Variants in MATN2 observed in about 807,000 individuals in gnomAD.
The protein encoded by MATN2 is matrilin-2.
MATN2 carries 69 observed loss-of-function variants against 103.2 expected under a neutral mutation model. The observed-to-expected ratio is 0.67, with a 90% confidence interval of 0.55 to 0.82. The LOEUF (loss-of-function observed/expected upper bound fraction) is 0.82. MATN2 is among the 40% of genes least tolerant of loss of function. MATN2 has a pLI of 0.00. For missense variants in MATN2, 1,023 were observed against 1,211.5 expected, an observed-to-expected ratio of 0.84 and a Z score of 2.31; for synonymous variants, 429 against 450.2, an observed-to-expected ratio of 0.95 and a Z score of 0.60.
At chr8:97,869,733 AT>A (rs1304466371) in intron 1 of MATN2, among the ~76,000 whole-genome samples, 1 of 152,116 alleles carries the variant, frequency 6.6e-6, no homozygotes, top group Non-Finnish European at 1.5e-5. Flanking sequence ...TGTCATCTGG[AT>A]TTTGTTCTTG....
In MATN2 at chr8:98,035,013, G is replaced by A. The variant is rs142776959; in HGVS notation, c.2816-644G>A. Among the ~76,000 whole-genome samples the A allele has an allele frequency of 8.6e-3, 1,305 of 152,072 alleles. 21 individuals are homozygous for A. The highest frequency in any genetic ancestry group is 0.03 in the African/African-American group (1,240 of 41,480). ...GAGGTGGCCTTGCTTGAGCTTAGGA[G>A]TTCGAGATCAGCCTGGGCAACATAC... is the stretch of plus-strand genomic sequence containing the variant. On this transcript the variant is annotated intron_variant, in intron 18 of 18. Transcript: ENST00000254898.
At chr8:98,012,306 C>T (rs901393725) in intron 10 of MATN2, among the ~76,000 whole-genome samples, 25 of 152,180 alleles carry the variant, frequency 1.6e-4, no homozygotes, top group Admixed American at 7.2e-4. Flanking sequence ...GCAGAGACAG[C>T]GTCCATTCCT....
chr8:98,033,531 G>A, intron 17 of MATN2, 30 bp from the exon 18 acceptor site: 1 of 1,242,852 alleles, frequency 8.0e-7, no homozygotes, highest in East Asian at 2.4e-5. Flanking sequence ...GTGGATTCTA[G>A]AGGTGAACAC....
Position 98,035,719 on chromosome 8 carries a change from GA to G in MATN2, c.*10del. 1 of 1,591,446 alleles carries G rather than the reference GA, an allele frequency of 6.3e-7. No homozygotes were observed. The highest frequency in any genetic ancestry group is 8.6e-7 in the Non-Finnish European group (1 of 1,164,372). ...TCGCCTGAGATACAGATGAAGATTA[GA>G]AATCGCGACACATTTGTAGTCATTG... On this transcript the variant is annotated 3_prime_UTR_variant, in exon 19 of 19. Coordinates refer to ENST00000254898, the MANE Select transcript of MATN2 (RefSeq NM_002380.5).
intron 7 of MATN2, among the ~76,000 whole-genome samples, chr8:98,002,379 A>G (rs1407676377): frequency 6.6e-6 from 1 of 152,224 alleles, no homozygotes; most frequent in Non-Finnish European, 1.5e-5. Flanking sequence ...ATCCTTCTTC[A>G]TGAAACTGCC....
chr8:98,025,903 T>G (rs1790183457), intron 13 of MATN2, among the ~76,000 whole-genome samples: 1 of 151,842 alleles, frequency 6.6e-6, no homozygotes, highest in African/African-American at 2.4e-5. Context: ...TGAGACCAGG[T>G]ACAGTGGCTC....
intron 6 of MATN2, among the ~76,000 whole-genome samples, chr8:97,988,189 T>TATATATATATATATACACAC (rs71570279): frequency 3.3e-4 from 18 of 54,950 alleles, no homozygotes; most frequent in African/African-American, 1.2e-3. Context: ...TATATATATA[T>TATATATATATATATACACAC]ACACACACAC....
chr8:97,885,921 A>G (rs751366208), intron 1 of MATN2, among the ~76,000 whole-genome samples: 16 of 152,242 alleles, frequency 1.1e-4, no homozygotes, highest in Admixed American at 9.8e-4. Context: ...ACCAGGCCGC[A>G]CAGCAGGAGG....
At chr8:98,008,381 A>C (rs1813044447) in intron 10 of MATN2, among the ~76,000 whole-genome samples, 1 of 152,166 alleles carries the variant, frequency 6.6e-6, no homozygotes, top group Non-Finnish European at 1.5e-5. Context: ...AAATGAAAGA[A>C]AAGGACCACC....
At chr8:97,876,757 T>TC (rs927143273) in intron 1 of MATN2, among the ~76,000 whole-genome samples, 1 of 152,026 alleles carries the variant, frequency 6.6e-6, no homozygotes, top group African/African-American at 2.4e-5. Flanking sequence ...GCACCCAGAA[T>TC]CCCCGCTCAG....
rs758001116 is a variant in MATN2 at position 97,931,405 on chromosome 8, G to T, written c.595G>T (p.Val199Leu). 2.1e-5 allele frequency: 34 copies of T among 1,613,742 alleles called. No homozygotes were observed. Among genetic ancestry groups the T allele is most frequent in the Non-Finnish European group, 2.7e-5 (32 of 1,179,880 alleles). Residue 199 changes from valine (V) to leucine (L), a missense_variant, in exon 3 of 19, where the codon GTA (valine) becomes TTA (leucine). Physicochemically the swap from Val to Leu is conservative, Grantham distance 32. Coordinates refer to ENST00000254898, the MANE Select transcript of MATN2 (RefSeq NM_002380.5). The surrounding 1 kb of genome is among the most constrained non-coding windows in gnomAD (Gnocchi z 4.1). ...AATCTTTGCCATTGGTGTGGGCCAG[G>T]TAGACTTCAACACCTTGAAGTCCAT... ...ILIFAIGVGQ[V>L]DFNTLKSIGS...
chr8:97,954,011 G>C (rs1365391628), intron 4 of MATN2, among the ~76,000 whole-genome samples: 5 of 152,144 alleles, frequency 3.3e-5, no homozygotes, highest in African/African-American at 1.2e-4. Flanking sequence ...CTGTGAGACA[G>C]ATGCTTTGCC....
chr8:97,951,575 G>T (rs1586082510), intron 4 of MATN2, among the ~76,000 whole-genome samples: 1 of 152,092 alleles, frequency 6.6e-6, no homozygotes, highest in Non-Finnish European at 1.5e-5. Context: ...AGCCCTCCAG[G>T]GGATGTCGAT....
At chr8:98,034,386 G>C in intron 18 of MATN2, 1 of 335,736 alleles carries the variant, frequency 3.0e-6, no homozygotes, top group Non-Finnish European at 6.0e-6. Context: ...TATCTCAAGT[G>C]CATCAACTAG....
At chr8:97,957,271 A>G (rs1811174160) in intron 4 of MATN2, among the ~76,000 whole-genome samples, 1 of 152,236 alleles carries the variant, frequency 6.6e-6, no homozygotes, top group Non-Finnish European at 1.5e-5. Flanking sequence ...CTTATCCTTC[A>G]GTGAAATCCT....
chr8:98,013,954 T>C (rs1813271265), intron 10 of MATN2, among the ~76,000 whole-genome samples: 1 of 151,802 alleles, frequency 6.6e-6, no homozygotes, highest in Admixed American at 6.6e-5. Context: ...ACAAAAAATA[T>C]GAAAATTAGC....
chr8:97,953,218 TTA>T (rs1370247563), intron 4 of MATN2, among the ~76,000 whole-genome samples: 2 of 152,218 alleles, frequency 1.3e-5, no homozygotes, highest in African/African-American at 4.8e-5. Flanking sequence ...TTTGCAGCTT[TTA>T]TAGGTACCCA....
intron 5 of MATN2, among the ~76,000 whole-genome samples, chr8:97,967,761 T>C (rs931051243): frequency 6.6e-6 from 1 of 152,222 alleles, no homozygotes; most frequent in Non-Finnish European, 1.5e-5. Context: ...CATGCTAAGG[T>C]TGCAAACTGC....
rs1186241754 is a variant in MATN2 at position 97,962,848 on chromosome 8, T to C, written c.958+1318T>C. 2.0e-5 allele frequency among the ~76,000 whole-genome samples: 3 copies of C among 152,194 alleles called. No individual in the cohort carries two copies. The East Asian group carries it at 5.8e-4, about 29-fold the overall frequency. On this transcript the variant is annotated intron_variant, in intron 5 of 18. Transcript: ENST00000254898. ...ATATAAATATCTACTTTAAAACATT[T>C]TGTTGGACAGGTGCGATGGCTCACG...
Sources: allele counts gnomAD v4.1 joint callset (sites outside exome capture counted in the v4.1 genomes callset), GRCh38; gene constraint gnomAD v4.1.1; non-coding constraint Gnocchi (gnomAD v3.1); transcripts MANE v1.5; gene names NCBI Gene and HGNC (gene_info 2026-07-23, HGNC 2026-07-21).